The following KIF1A variants were observed in gnomAD, a reference collection of about 807,000 sequenced individuals.
KIF1A encodes the protein kinesin-like protein KIF1A.
Under a neutral mutation model 227.3 loss-of-function variants are expected in KIF1A, and 46 were observed. The ratio of observed to expected loss-of-function variants is 0.20; its 90% CI spans 0.16 to 0.26. The LOEUF is 0.26. Among genes scored for constraint, KIF1A ranks in the 10% least tolerant of loss-of-function variants. The pLI is 1.00. For synonymous variants in KIF1A, 1,022 were observed against 1,012.8 expected, an observed-to-expected ratio of 1.01 and a Z score of -0.17; for missense variants, 1,683 against 2,485.9, an observed-to-expected ratio of 0.68 and a Z score of 6.87.
chr2:240,770,284 T>C (rs2051773487), intron 15 of KIF1A, among the ~76,000 whole-genome samples: 1 of 152,340 alleles, frequency 6.6e-6, no homozygotes, highest in Non-Finnish European at 1.5e-5. Context: ...AAACCTAAAA[T>C]GATCCCGGCC....
intron 2 of KIF1A, among the ~76,000 whole-genome samples, chr2:240,795,485 G>A (rs2056257871): frequency 1.3e-5 from 2 of 152,234 alleles, no homozygotes; most frequent in South Asian, 4.1e-4. Context: ...GGGGCATGAG[G>A]TCTCGGGTCC....
upstream of KIF1A, among the ~76,000 whole-genome samples, chr2:240,820,664 C>A (rs562695935): frequency 2.1e-5 from 3 of 140,790 alleles, no homozygotes; most frequent in Non-Finnish European, 4.6e-5. The surrounding 1 kb of genome is among the most constrained non-coding windows in gnomAD (Gnocchi z 6.2). Context: ...ACAGACGCAT[C>A]GTGGGGGGCG....
intron 27 of KIF1A, among the ~76,000 whole-genome samples, chr2:240,753,559 A>G (rs1006389756): frequency 1.3e-5 from 2 of 152,158 alleles, no homozygotes; most frequent in African/African-American, 4.8e-5. Context: ...CCCATTATGA[A>G]GCAACATGGC....
Position 240,789,242 on chromosome 2 carries a change from G to T in KIF1A, c.177C>A (p.His59Gln). 6.2e-7 allele frequency: 1 copy of T among 1,613,606 alleles called. No homozygotes were observed. Among genetic ancestry groups the T allele is most frequent in the Non-Finnish European group, 8.5e-7 (1 of 1,179,526 alleles). The part of the protein sequence containing the change: ...SFSFDYSYWS[H>Q]TSPEDINYAS... The stretch of plus-strand genomic sequence containing the variant: ...ACCCGGGGTCCCGGCTTACTGAGGT[G>T]TGCGACCAGTAGGAGTAGTCAAAGC... Residue 59 changes from histidine to glutamine, a missense_variant, in exon 3 of 49, where the codon CAC (histidine) becomes CAA (glutamine). By Grantham distance (24) the His-to-Gln change is conservative. Coordinates refer to ENST00000498729, the MANE Select transcript of KIF1A (RefSeq NM_001244008.2). The surrounding 1 kb of genome is among the most constrained non-coding windows in gnomAD (Gnocchi z 4.8).
At chr2:240,744,903 CTT>C (rs916695423) in intron 32 of KIF1A, among the ~76,000 whole-genome samples, 3 of 152,200 alleles carry the variant, frequency 2.0e-5, no homozygotes, top group Non-Finnish European at 4.4e-5. Context: ...GTTAGGCACT[CTT>C]TCCCCTGCTG....
At chr2:240,742,047 A>C (rs2048035521) in intron 34 of KIF1A, among the ~76,000 whole-genome samples, 1 of 152,204 alleles carries the variant, frequency 6.6e-6, no homozygotes, top group Non-Finnish European at 1.5e-5. Context: ...ACTGAATCTC[A>C]GGGAACTCAT....
intron 7 of KIF1A, among the ~76,000 whole-genome samples, chr2:240,784,121 G>A (rs534181278): frequency 1.3e-5 from 2 of 152,336 alleles, no homozygotes; most frequent in African/African-American, 2.4e-5. Flanking sequence ...TGGCATCCAC[G>A]AGGTGCGACT....
chr2:240,795,123 A>G (rs1010436561), intron 2 of KIF1A, among the ~76,000 whole-genome samples: 1 of 152,122 alleles, frequency 6.6e-6, no homozygotes, highest in Non-Finnish European at 1.5e-5. Context: ...ATCTTTGAGA[A>G]GGGGAGGTTC....
At chr2:240,770,006 A>T (rs999851869) in intron 15 of KIF1A, among the ~76,000 whole-genome samples, 1 of 152,166 alleles carries the variant, frequency 6.6e-6, no homozygotes, top group African/African-American at 2.4e-5. Flanking sequence ...TGCTGCCAAG[A>T]GGCCCAGGTG....
At chr2:240,733,252 A>G (rs2046959218) in intron 38 of KIF1A, among the ~76,000 whole-genome samples, 1 of 152,018 alleles carries the variant, frequency 6.6e-6, no homozygotes, top group Non-Finnish European at 1.5e-5. Context: ...GCCCAAGCTG[A>G]TGGGCTCCCC....
rs199939457 is a variant in KIF1A at position 240,771,139 on chromosome 2, C to T, written c.1208-35G>A. The T allele has an allele frequency of 3.1e-6, 5 of 1,613,076 alleles. No homozygotes were observed. In the East Asian group the frequency reaches 1.1e-4, roughly 36 times the overall value. The stretch of plus-strand genomic sequence containing the variant: ...GAGGGTCAGGGGCTTCATTCACCGT[C>T]CCGCCACGGTTAAGGTTATTGTTCT... On this transcript the variant is annotated intron_variant, in intron 14 of 48. Transcript: ENST00000498729.
At position 240,716,518 on chromosome 2, in the gene KIF1A, T is replaced by TCA. The variant is rs1575507976; in HGVS notation, c.*844_*845dup. ...CCTCCTGGTCCCCGCCCAGGACAGA[T>TCA]CACAGCCTGGGTGCCGTCTGCCTCA... On this transcript the variant is annotated 3_prime_UTR_variant, in exon 49 of 49. Coordinates refer to ENST00000498729, the MANE Select transcript of KIF1A (RefSeq NM_001244008.2). 2 of 152,100 alleles carry TCA rather than the reference T, an allele frequency of 1.3e-5. No individual in the cohort carries two copies. Among genetic ancestry groups the TCA allele is most frequent in the African/African-American group, 4.8e-5 (2 of 41,346 alleles). 9.4% of individuals were successfully genotyped at this position (152,100 alleles called of 1,614,324 possible).
intron 2 of KIF1A, among the ~76,000 whole-genome samples, chr2:240,794,415 T>C (rs1288624322): frequency 1.3e-5 from 2 of 152,226 alleles, no homozygotes; most frequent in African/African-American, 4.8e-5. Flanking sequence ...GGACCTGCAG[T>C]GAGTGCCCAT....
At chr2:240,791,944 G>A (rs2126115020) in intron 2 of KIF1A, among the ~76,000 whole-genome samples, 1 of 149,368 alleles carries the variant, frequency 6.7e-6, no homozygotes, top group Middle Eastern at 3.4e-3. Context: ...ACTGGGGCTG[G>A]GACCCCCACC....
chr2:240,775,760 C>G lies in KIF1A; in HGVS notation c.958+91G>C. The G allele has an allele frequency of 1.2e-6, 1 of 861,854 alleles. No homozygotes were observed. Among genetic ancestry groups the G allele is most frequent in the Non-Finnish European group, 2.0e-6 (1 of 506,390 alleles). 53.4% of individuals were successfully genotyped at this position (861,854 alleles called of 1,614,324 possible). A position where few individuals can be genotyped will look rare whatever the true frequency, so the allele number is the denominator to read the frequency against. On this transcript the variant is annotated intron_variant, in intron 11 of 48. Transcript: ENST00000498729. This position sits in a 1 kb window ranked among gnomAD's most constrained non-coding sequence, Gnocchi z 5.5. ...CAGCCCAGAAAGGGTGAGAGGCCTG[C>G]TGGCGACTGGGCACCCCCTCAGTGG... is the stretch of plus-strand genomic sequence containing the variant.
At chr2:240,742,848 C>G in intron 34 of KIF1A, 81 bp downstream of exon 34, 1 of 1,283,546 alleles carries the variant, frequency 7.8e-7, no homozygotes, top group South Asian at 1.3e-5. Flanking sequence ...GGACAGCATT[C>G]ACTGCGGGGG....
chr2:240,740,645 G>A lies in KIF1A; in HGVS notation c.3750-281C>T, dbSNP rs2125748303. ...GCCCCTCTGGGCTGGATCTTTGTAA[G>A]TTCCCAAGGGTCCTCTGCTTCCCCT... On this transcript the variant is annotated intron_variant, in intron 35 of 48. Transcript: ENST00000498729. This position sits in a 1 kb window ranked among gnomAD's most constrained non-coding sequence, Gnocchi z 6.1. Among the ~76,000 whole-genome samples, 1 of 152,184 alleles carries A rather than the reference G, an allele frequency of 6.6e-6. No homozygotes were observed. Among genetic ancestry groups the A allele is most frequent in the East Asian group, 1.9e-4 (1 of 5,162 alleles).
Position 240,772,560 on chromosome 2 carries a change from G to A in KIF1A, c.1207+10C>T. 1 of 1,548,090 alleles carries A rather than the reference G, an allele frequency of 6.5e-7. No homozygotes were observed. The highest frequency in any genetic ancestry group is 8.7e-7 in the Non-Finnish European group (1 of 1,144,822). ...GCAGAGATGCAGAGAGCAGCAAAGGGAATACACACATTTGGGTCCTCCAGG... is the reference window on the plus strand; with the variant it reads ...GCAGAGATGCAGAGAGCAGCAAAGGAAATACACACATTTGGGTCCTCCAGG... On this transcript the variant is annotated intron_variant, in intron 14 of 48. Transcript: ENST00000498729.
At position 240,783,071 on chromosome 2, in the gene KIF1A, G is replaced by A. The variant is rs2054277811; in HGVS notation, c.837C>T (p.Gly279=). 6.2e-7 allele frequency: 1 copy of A among 1,613,610 alleles called. No homozygotes were observed. ...TTTCAGCCAGGGCGGAGATGACCTT[G>A]CCCAGGGTGGTCAGCGACTTGTTGA... ...ANINKSLTTL[G]KVISALAEMD... Residue 279 remains glycine (G), a synonymous_variant, in exon 9 of 49, where the codon GGC becomes GGT. Transcript: ENST00000498729.
Sources: gnomAD v4.1 joint callset for allele counts (sites outside exome capture counted in the v4.1 genomes callset) on GRCh38, gnomAD v4.1.1 for gene constraint, Gnocchi (gnomAD v3.1) non-coding constraint, MANE v1.5 for transcripts, NCBI Gene and HGNC (gene_info 2026-07-23, HGNC 2026-07-21) for gene names.